Variants in HNF1B observed in about 807,000 individuals in gnomAD.
HNF1B encodes hepatocyte nuclear factor 1-beta.
A neutral mutation model predicts 61.7 loss-of-function variants in HNF1B; 8 were observed. That is an observed-to-expected ratio of 0.13 (90% CI 0.08 to 0.23). The LOEUF (loss-of-function observed/expected upper bound fraction) is 0.23. Among genes scored for constraint, HNF1B ranks in the 10% least tolerant of loss-of-function variants. The pLI is 1.00. For synonymous variants in HNF1B, 314 were observed against 287.7 expected (o/e 1.09, Z -0.93); for missense variants, 562 against 714.5 (o/e 0.79, Z 2.43).
chr17:37,687,400 GA>G lies in HNF1B; in HGVS notation c.1654-9del, dbSNP rs774447363. 2.7e-4 allele frequency: 432 copies of G among 1,600,458 alleles called. No individual in the cohort carries two copies. Among genetic ancestry groups the G allele is most frequent in the Non-Finnish European group, 3.5e-4 (406 of 1,167,968 alleles). On this transcript the variant is annotated splice_polypyrimidine_tract_variant and intron_variant, in intron 8 of 8. Transcript: ENST00000617811. ...CCAGGCTTGTAGAGGACACTGCAGAGAGAGAGGAGAGAGGGTGCTCAGCTGT... is the reference window on the plus strand; with the variant it reads ...CCAGGCTTGTAGAGGACACTGCAGAGGAGAGGAGAGAGGGTGCTCAGCTGT...
rs548299401 is a variant in HNF1B, at chr17:37,723,219, C to T, written c.1045+8376G>A. 8.6e-5 allele frequency among the ~76,000 whole-genome samples: 13 copies of T among 151,084 alleles called. No individual in the cohort carries two copies. In the South Asian group the frequency reaches 1.7e-3, roughly 19 times the overall value. ...AAAATTAGCCGGGCGTGGTGGTGGA[C>T]GCCTGTAGTCCCAGCTACTCGGGAG... On this transcript the variant is annotated intron_variant, in intron 4 of 8. Coordinates refer to ENST00000617811, the MANE Select transcript of HNF1B (RefSeq NM_000458.4).
At chr17:37,708,283 T>C (rs2032817109) in intron 5 of HNF1B, among the ~76,000 whole-genome samples, 1 of 152,184 alleles carries the variant, frequency 6.6e-6, no homozygotes, top group African/African-American at 2.4e-5. Context: ...ACACAGCACA[T>C]GCACTAGGGT....
At position 37,705,030 on chromosome 17, in the gene HNF1B, C is replaced by T. The variant is rs747412954; in HGVS notation, c.1226G>A (p.Gly409Asp). ...CGTCAAGGTGCTGACTGGGGGCAAA[C>T]CTCCTCCTGAGACTGAGATCTGATG... ...DGKMISVSGG[G>D]LPPVSTLTNI... The change falls in exon 6 of 9, where the codon GGT becomes GAT. Residue 409 changes from glycine (G) to aspartate (D), a missense_variant. Gly to Asp is a moderately conservative substitution (Grantham distance 94, BLOSUM62 -1). Around this residue, in one of 6 missense-constraint regions of HNF1B, gnomAD observed 211 missense variants for 200.7 expected, o/e 1.05. Transcript: ENST00000617811. The T allele has an allele frequency of 6.2e-7, 1 of 1,613,932 alleles. No individual in the cohort carries two copies. The highest frequency in any genetic ancestry group is 1.6e-4 in the Middle Eastern group (1 of 6,062).
chr17:37,701,559 A>C (rs1258944024), intron 6 of HNF1B, among the ~76,000 whole-genome samples: 2 of 152,248 alleles, frequency 1.3e-5, no homozygotes, highest in African/African-American at 4.8e-5. Context: ...GGCAGAGTTA[A>C]AGATGTCCAC....
intron 2 of HNF1B, among the ~76,000 whole-genome samples, chr17:37,738,162 T>G (rs2033889691): frequency 6.6e-6 from 1 of 152,184 alleles, no homozygotes; most frequent in African/African-American, 2.4e-5. Context: ...TTGCTTCATG[T>G]CAGGAACACA....
At chr17:37,728,435 T>A (rs1481658740) in intron 4 of HNF1B, among the ~76,000 whole-genome samples, 1 of 151,848 alleles carries the variant, frequency 6.6e-6, no homozygotes, top group Non-Finnish European at 1.5e-5. Flanking sequence ...GCCTCCCAAG[T>A]AGCTGGGACT....
At chr17:37,720,696 C>T in intron 4 of HNF1B, 1 of 712,098 alleles carries the variant, frequency 1.4e-6, no homozygotes, top group East Asian at 1.3e-4. Context: ...GTGCCAGGCA[C>T]AGGGCTATGG....
intron 8 of HNF1B, among the ~76,000 whole-genome samples, chr17:37,689,101 T>C (rs1327830091): frequency 1.4e-5 from 2 of 143,096 alleles, no homozygotes; most frequent in Non-Finnish European, 3.0e-5. Context: ...GCCGATATTA[T>C]GCTACTGCAC....
In HNF1B at chr17:37,723,019, G is replaced by A. The variant is rs2033368644; in HGVS notation, c.1045+8576C>T. Among the ~76,000 whole-genome samples, 4 of 152,046 alleles carry A rather than the reference G, an allele frequency of 2.6e-5. 1 individual carries two copies. The South Asian group carries it at 8.3e-4, about 32-fold the overall frequency. On this transcript the variant is annotated intron_variant, in intron 4 of 8. Coordinates refer to ENST00000617811, the MANE Select transcript of HNF1B (RefSeq NM_000458.4). The stretch of plus-strand genomic sequence containing the variant: ...AATTACTAACAAGCAATACACATGA[G>A]AGGAGTACTCACACCTCCTTTAATT...
At chr17:37,690,871 C>T (rs962462411) in intron 8 of HNF1B, among the ~76,000 whole-genome samples, 1 of 152,164 alleles carries the variant, frequency 6.6e-6, no homozygotes, top group African/African-American at 2.4e-5. Context: ...TAGGGAAGAC[C>T]GGACTGTACA....
chr17:37,691,979 G>A (rs1042716866), intron 8 of HNF1B, among the ~76,000 whole-genome samples: 2 of 152,228 alleles, frequency 1.3e-5, no homozygotes, highest in Admixed American at 6.5e-5. Context: ...GTGGAAACAG[G>A]AGTTGGCTCA....
At chr17:37,736,151 A>G (rs906021702) in intron 2 of HNF1B, among the ~76,000 whole-genome samples, 6 of 152,182 alleles carry the variant, frequency 3.9e-5, no homozygotes, top group African/African-American at 1.4e-4. Flanking sequence ...TTGAGGGGAA[A>G]TCCAAGGGGG....
intron 4 of HNF1B, among the ~76,000 whole-genome samples, chr17:37,718,667 T>A (rs1294957360): frequency 6.6e-6 from 1 of 152,230 alleles, no homozygotes; most frequent in African/African-American, 2.4e-5. Flanking sequence ...TAGCTTGAAA[T>A]GATCTTGCAG....
chr17:37,706,618 C>T (rs1270891889), intron 5 of HNF1B, among the ~76,000 whole-genome samples: 1 of 147,680 alleles, frequency 6.8e-6, no homozygotes, highest in African/African-American at 2.5e-5. Context: ...ATTCTGACCA[C>T]ATCAAACAAG....
chr17:37,728,053 T>TG (rs1048157509), intron 4 of HNF1B, among the ~76,000 whole-genome samples: 2 of 151,578 alleles, frequency 1.3e-5, no homozygotes, highest in African/African-American at 4.9e-5. Flanking sequence ...TGGAGTGGAG[T>TG]GGCCCATCTC....
Position 37,744,723 on chromosome 17 carries a change from G to C in HNF1B, c.162C>G (p.Ala54=), listed in dbSNP as rs564779549. ...GGAAGACCGGCTTGGTGTCGGGCTCGGCCCCGCTGCCAGGGGACAGGGGCA... is the reference window on the plus strand; with the variant it reads ...GGAAGACCGGCTTGGTGTCGGGCTCCGCCCCGCTGCCAGGGGACAGGGGCA... The part of the protein sequence containing the change: ...ETLPLSPGSG[A]EPDTKPVFHT... Residue 54 remains alanine (A), a synonymous_variant, in exon 1 of 9, where the codon GCC becomes GCG. Coordinates refer to ENST00000617811, the MANE Select transcript of HNF1B (RefSeq NM_000458.4). The C allele has an allele frequency of 3.7e-6, 6 of 1,613,392 alleles. No individual in the cohort carries two copies. The highest frequency in any genetic ancestry group is 1.3e-5 in the African/African-American group (1 of 75,066).
intron 8 of HNF1B, among the ~76,000 whole-genome samples, chr17:37,694,903 T>C (rs1239785922): frequency 6.6e-6 from 1 of 152,144 alleles, no homozygotes; most frequent in East Asian, 1.9e-4. Flanking sequence ...AATTTACATT[T>C]AAAAAGGGAA....
intron 2 of HNF1B, among the ~76,000 whole-genome samples, chr17:37,736,327 T>C (rs906072629): frequency 6.6e-6 from 1 of 152,238 alleles, no homozygotes; most frequent in South Asian, 2.1e-4. Context: ...ACAGACACAA[T>C]AACGGTTCAC....
intron 4 of HNF1B, among the ~76,000 whole-genome samples, chr17:37,725,588 C>A (rs1444602548): frequency 1.3e-5 from 2 of 152,188 alleles, no homozygotes; most frequent in Non-Finnish European, 2.9e-5. Context: ...AATGCTGGAG[C>A]CACCCATGTC....
Sources: gnomAD v4.1 joint callset for allele counts (sites outside exome capture counted in the v4.1 genomes callset) on GRCh38, gnomAD v4.1.1 for gene constraint, gnomAD v4.1.1 regional missense constraint, MANE v1.5 for transcripts, NCBI Gene and HGNC (gene_info 2026-07-23, HGNC 2026-07-21) for gene names.